Variants in BCR observed in about 807,000 individuals in gnomAD.
BCR encodes the protein BCR activator of RhoGEF and GTPase.
A neutral mutation model predicts 138.6 loss-of-function variants in BCR; 58 were observed. The ratio of observed to expected loss-of-function variants is 0.42; its 90% confidence interval spans 0.34 to 0.52. The LOEUF (loss-of-function observed/expected upper bound fraction) is 0.52, where lower values mean the gene tolerates loss of function less well. BCR is among the 20% of genes least tolerant of loss of function. The probability of loss-of-function intolerance (pLI) is 0.06; values close to 1 mark genes in which losing one functional copy is unlikely to be tolerated. For synonymous variants in BCR, 786 were observed against 730.1 expected (o/e 1.08, Z -1.23); for missense variants, 1,599 against 1,727.2 (o/e 0.93, Z 1.32).
chr22:23,248,836 C>G (rs555009479), intron 1 of BCR, among the ~76,000 whole-genome samples: 7 of 152,296 alleles, frequency 4.6e-5, no homozygotes, highest in African/African-American at 7.2e-5. Flanking sequence ...GCTGATGAGA[C>G]CATCAACCTC....
chr22:23,204,189 G>A (rs969507180), intron 1 of BCR, among the ~76,000 whole-genome samples: 3 of 152,162 alleles, frequency 2.0e-5, no homozygotes, highest in South Asian at 4.1e-4. Flanking sequence ...CTAGGAGCCA[G>A]CAGTTCAGTT....
chr22:23,189,594 A>G (rs1319729466), intron 1 of BCR, among the ~76,000 whole-genome samples: 1 of 151,888 alleles, frequency 6.6e-6, no homozygotes, highest in South Asian at 2.1e-4. Flanking sequence ...TCTCCCTCCC[A>G]GGTTCAAGTA....
chr22:23,265,019 A>T (rs923449746), intron 4 of BCR: 2 of 152,206 alleles, frequency 1.3e-5, no homozygotes, highest in Admixed American at 6.5e-5. Context: ...AGTGGACGTG[A>T]CTTGGCCTGC....
intron 20 of BCR, among the ~76,000 whole-genome samples, chr22:23,313,751 G>A (rs2074034023): frequency 6.6e-6 from 1 of 152,164 alleles, no homozygotes; most frequent in Non-Finnish European, 1.5e-5. Flanking sequence ...GCCGGGTGCT[G>A]CTGACCCCTG....
intron 16 of BCR, among the ~76,000 whole-genome samples, chr22:23,301,659 A>G (rs866094528): frequency 2.6e-5 from 4 of 152,232 alleles, no homozygotes; most frequent in African/African-American, 9.6e-5. Flanking sequence ...TCTGGGCCAA[A>G]GCCTGCCCTG....
In BCR at chr22:23,288,160, C is replaced by G; in HGVS notation, c.2590C>G (p.Gln864Glu). 1 of 1,614,028 alleles carries G rather than the reference C, an allele frequency of 6.2e-7. No individual in the cohort carries two copies. The highest frequency in any genetic ancestry group is 8.5e-7 in the Non-Finnish European group (1 of 1,179,924). Residue 864 changes from glutamine (Q) to glutamate (E), a missense_variant, in exon 12 of 23, where the codon CAG becomes GAG. Gln to Glu is a conservative substitution (Grantham distance 29, BLOSUM62 2). Transcript: ENST00000305877. ...RAEWRENIRE[Q>E]QKKCFRSFSL... ...AGAGTGGAGGGAGAACATCCGGGAG[C>G]AGCAGAAGAAGTGTGAGTATCCTCT... is the stretch of plus-strand genomic sequence containing the variant.
At chr22:23,223,471 C>CT (rs2072852414) in intron 1 of BCR, among the ~76,000 whole-genome samples, 2 of 152,146 alleles carry the variant, frequency 1.3e-5, no homozygotes, top group South Asian at 4.1e-4. Flanking sequence ...ATGCTGACTC[C>CT]CTCCTATGGT....
At chr22:23,285,240 C>T in intron 10 of BCR, 39 bp downstream of exon 10, 1 of 1,577,260 alleles carries the variant, frequency 6.3e-7, no homozygotes, top group African/African-American at 1.3e-5. Context: ...TTGGTGTGGT[C>T]AGAGTGGCAG....
intron 1 of BCR, among the ~76,000 whole-genome samples, chr22:23,226,260 A>T (rs1051919852): frequency 6.6e-6 from 1 of 151,850 alleles, no homozygotes; most frequent in South Asian, 2.1e-4. Context: ...TATCCTTCCC[A>T]TGGGGCCTGA....
At chr22:23,277,360 C>T (rs190214981) in intron 8 of BCR, among the ~76,000 whole-genome samples, 48 of 152,300 alleles carry the variant, frequency 3.2e-4, no homozygotes, top group African/African-American at 1.0e-3. Flanking sequence ...GGCCCCTGGC[C>T]GCCTGTGTGC....
In BCR at chr22:23,273,592, G is replaced by C. The variant is rs1280967930; in HGVS notation, c.1975-42G>C. Reference sequence around the variant, plus strand: ...ACTTTGCACACAGTGGCAGGTGCCAGTGCTCCTCTGTGTCTAACTCAAGTC... The same window carrying C: ...ACTTTGCACACAGTGGCAGGTGCCACTGCTCCTCTGTGTCTAACTCAAGTC... On this transcript the variant is annotated intron_variant, in intron 7 of 22. Transcript: ENST00000305877. The C allele has an allele frequency of 4.3e-6, 7 of 1,610,434 alleles. No homozygotes were observed. The East Asian group carries it at 1.3e-4, about 31-fold the overall frequency.
chr22:23,198,807 G>A (rs1272589192), intron 1 of BCR, among the ~76,000 whole-genome samples: 1 of 152,172 alleles, frequency 6.6e-6, no homozygotes, highest in Admixed American at 6.5e-5. Flanking sequence ...GGAGCAGCTG[G>A]TGAGGTACTG....
At chr22:23,187,295 T>C (rs2072356697) in intron 1 of BCR, among the ~76,000 whole-genome samples, 1 of 150,566 alleles carries the variant, frequency 6.6e-6, no homozygotes, top group South Asian at 2.1e-4. Context: ...TTTTTTTTTT[T>C]TTCACAGTTC....
intron 4 of BCR, chr22:23,261,745 T>C (rs970892562): frequency 2.5e-5 from 9 of 362,656 alleles, no homozygotes; most frequent in Non-Finnish European, 4.4e-5. Flanking sequence ...TTTTTTTTTT[T>C]TCTAATTTAT....
In BCR at chr22:23,181,976, C is replaced by T; in HGVS notation, c.1016C>T (p.Thr339Ile). 1.9e-6 allele frequency: 3 copies of T among 1,613,392 alleles called. No individual in the cohort carries two copies. The highest frequency in any genetic ancestry group is 1.3e-5 in the African/African-American group (1 of 75,062). The change falls in exon 1 of 23, where the codon ACC (threonine) becomes ATC (isoleucine). Residue 339 changes from threonine to isoleucine, a missense_variant. Thr to Ile is a moderately conservative substitution (Grantham distance 89). Transcript: ENST00000305877. Reference sequence around the variant, plus strand: ...GACTGCAGCTCCAATGAGAACCTCACCTCCAGCGAGGAGGACTTCTCCTCT... The same window carrying T: ...GACTGCAGCTCCAATGAGAACCTCATCTCCAGCGAGGAGGACTTCTCCTCT... ...TPDCSSNENL[T>I]SSEEDFSSGQ...
chr22:23,298,281 G>C (rs1047196592), intron 16 of BCR, among the ~76,000 whole-genome samples: 1 of 152,224 alleles, frequency 6.6e-6, no homozygotes, highest in Non-Finnish European at 1.5e-5. Context: ...GGGGGATGGC[G>C]TGGGGTGAGG....
intron 1 of BCR, among the ~76,000 whole-genome samples, chr22:23,224,918 G>A (rs1026820707): frequency 6.6e-6 from 1 of 152,032 alleles, no homozygotes; most frequent in Non-Finnish European, 1.5e-5. Flanking sequence ...GTGGCCCCCT[G>A]CAGGCCCCCC....
chr22:23,310,128 G>A (rs965503544), intron 17 of BCR, 196 bp from the exon 18 acceptor site: 4 of 525,154 alleles, frequency 7.6e-6, no homozygotes, highest in East Asian at 3.8e-5. Context: ...GAAACCAGTC[G>A]TTTACATCAT....
intron 1 of BCR, among the ~76,000 whole-genome samples, chr22:23,231,465 C>G (rs2072957469): frequency 6.6e-6 from 1 of 151,474 alleles, no homozygotes; most frequent in Admixed American, 6.6e-5. Context: ...CATGTTCATG[C>G]CACTGCACTC....
Sources: allele counts gnomAD v4.1 joint callset (sites outside exome capture counted in the v4.1 genomes callset), GRCh38; gene constraint gnomAD v4.1.1; transcripts MANE v1.5; gene names NCBI Gene and HGNC (gene_info 2026-07-23, HGNC 2026-07-21).